The following DCAF4L1 variants were observed in gnomAD, a reference collection of about 807,000 sequenced individuals.
DCAF4L1 encodes the protein DDB1 and CUL4 associated factor 4 like 1.
Under a neutral mutation model 28.2 loss-of-function variants are expected in DCAF4L1, and 4 were observed. The observed-to-expected ratio is 0.14, with a 90% CI of 0.07 to 0.33. The LOEUF is 0.33. Among genes scored for constraint, DCAF4L1 ranks in the 10% least tolerant of loss-of-function variants. DCAF4L1 has a pLI of 1.00. For synonymous variants in DCAF4L1, 252 were observed against 212.1 expected, an observed-to-expected ratio of 1.19 and a Z score of -1.63; for missense variants, 331 against 506.1, an observed-to-expected ratio of 0.65 and a Z score of 3.32.
Position 41,982,429 on chromosome 4 carries a change from G to C in DCAF4L1, c.637G>C (p.Val213Leu). 6.2e-7 allele frequency: 1 copy of C among 1,614,206 alleles called. No homozygotes were observed. The highest frequency in any genetic ancestry group is 1.1e-5 in the South Asian group (1 of 91,078). The part of the protein sequence containing the change: ...GLSQQVLLTS[V>L]ATGHQQSFDT... ...GTCTCAGCAGGTCCTGTTGACCAGC[G>C]TGGCGACGGGACACCAGCAGTCATT... Residue 213 changes from valine (V) to leucine (L), a missense_variant, in exon 1 of 1, where the codon GTG (valine) becomes CTG (leucine). Coordinates refer to ENST00000333141, the MANE Select transcript of DCAF4L1 (RefSeq NM_001029955.4). This position sits in a 1 kb window ranked among gnomAD's most constrained non-coding sequence, Gnocchi z 4.4.
chr4:41,982,288 A>C lies in DCAF4L1; in HGVS notation c.496A>C (p.Ser166Arg), dbSNP rs746484895. 9 of 1,614,212 alleles carry C rather than the reference A, an allele frequency of 5.6e-6. No homozygotes were observed. The highest frequency in any genetic ancestry group is 7.6e-6 in the Non-Finnish European group (9 of 1,180,040). The change falls in exon 1 of 1, where the codon AGT (serine) becomes CGT (arginine). Residue 166 changes from serine (S) to arginine (R), a missense_variant. Physicochemically the swap from Ser to Arg is moderately radical, Grantham distance 110. Coordinates refer to ENST00000333141, the MANE Select transcript of DCAF4L1 (RefSeq NM_001029955.4). This position sits in a 1 kb window ranked among gnomAD's most constrained non-coding sequence, Gnocchi z 4.4. ...GCTGCTCCCAGCGTCGCGGTTCTTA[A>C]GTGTTCACACAAGAGTTAACCAGCC... ...AVLLPASRFL[S>R]VHTRVNQPGM...
Position 41,983,117 on chromosome 4 carries a change from G to A in DCAF4L1, c.*134G>A, listed in dbSNP as rs551055275. 20 of 758,360 alleles carry A rather than the reference G, an allele frequency of 2.6e-5. No homozygotes were observed. The East Asian group carries it at 4.6e-4, about 18-fold the overall frequency. 47.0% of individuals were successfully genotyped at this position (758,360 alleles called of 1,614,324 possible). ...CATCCATCCGGCTGCCAGGGGTAAG[G>A]TGTTAAGAGTTTTATGTGGAGACGT... On this transcript the variant is annotated 3_prime_UTR_variant, in exon 1 of 1. Transcript: ENST00000333141.
In DCAF4L1 at chr4:41,983,808, A is replaced by T. The variant is rs1714068969; in HGVS notation, c.*825A>T. The T allele has an allele frequency of 6.0e-6, 1 of 167,066 alleles. No homozygotes were observed. The highest frequency in any genetic ancestry group is 1.9e-4 in the East Asian group (1 of 5,198). 10.3% of individuals were successfully genotyped at this position (167,066 alleles called of 1,614,324 possible). Reference sequence around the variant, plus strand: ...TTTTTCTACTAAGCAAGGAAGAAAAAAAACGTGTAATAAGGTTAGTTGCTA... The same window carrying T: ...TTTTTCTACTAAGCAAGGAAGAAAATAAACGTGTAATAAGGTTAGTTGCTA... On this transcript the variant is annotated 3_prime_UTR_variant, in exon 1 of 1. Transcript: ENST00000333141.
At position 41,984,840 on chromosome 4, in the gene DCAF4L1, ATGGT is replaced by A. The variant is rs773088170; in HGVS notation, c.*1859_*1862del. ...AGATCAATAGAGAAGATATGGGAGTATGGTTAGGCACAGATTTTTGGAATCCTTT... is the reference window on the plus strand; with the variant it reads ...AGATCAATAGAGAAGATATGGGAGTATAGGCACAGATTTTTGGAATCCTTT... On this transcript the variant is annotated 3_prime_UTR_variant, in exon 1 of 1. Coordinates refer to ENST00000333141, the MANE Select transcript of DCAF4L1 (RefSeq NM_001029955.4). The A allele has an allele frequency of 3.6e-5, 6 of 166,856 alleles. No homozygotes were observed. The highest frequency in any genetic ancestry group is 5.9e-5 in the Non-Finnish European group (4 of 68,080). The allele number at this position is 166,856 out of a possible 1,614,324, so 10.3% of individuals were successfully genotyped here.
At position 41,985,781 on chromosome 4, in the gene DCAF4L1, A is replaced by G. The variant is rs974938713; in HGVS notation, c.*2798A>G. 2 of 167,142 alleles carry G rather than the reference A, an allele frequency of 1.2e-5. No individual in the cohort carries two copies. Among genetic ancestry groups the G allele is most frequent in the African/African-American group, 4.8e-5 (2 of 41,480 alleles). 10.4% of individuals were successfully genotyped at this position (167,142 alleles called of 1,614,324 possible). On this transcript the variant is annotated 3_prime_UTR_variant, in exon 1 of 1. Coordinates refer to ENST00000333141, the MANE Select transcript of DCAF4L1 (RefSeq NM_001029955.4). ...TTGAAATAAAGATGCCAAACACAAA[A>G]GAGCACATATTGTACAACTAATGCA...
rs910830226 is a variant in DCAF4L1 at position 41,985,901 on chromosome 4, T to C, written c.*2918T>C. Reference sequence around the variant, plus strand: ...CAGAAGAGTAGTGACCAGAAGAAGATTCTAGGAAGCTAGCAATGCTGGTGT... The same window carrying C: ...CAGAAGAGTAGTGACCAGAAGAAGACTCTAGGAAGCTAGCAATGCTGGTGT... On this transcript the variant is annotated 3_prime_UTR_variant, in exon 1 of 1. Transcript: ENST00000333141. 1 of 167,104 alleles carries C rather than the reference T, an allele frequency of 6.0e-6. No individual in the cohort carries two copies. The highest frequency in any genetic ancestry group is 1.5e-5 in the Non-Finnish European group (1 of 68,126). The allele number at this position is 167,104 out of a possible 1,614,324, so 10.4% of individuals were successfully genotyped here.
chr4:41,985,941 A>G lies in DCAF4L1; in HGVS notation c.*2958A>G, dbSNP rs943349858. On this transcript the variant is annotated 3_prime_UTR_variant, in exon 1 of 1. Coordinates refer to ENST00000333141, the MANE Select transcript of DCAF4L1 (RefSeq NM_001029955.4). Reference sequence around the variant, plus strand: ...AATGCTGGTGTCATGCCAGACCCCTAGTGACTCCAATAGTAATGGCACTGT... The same window carrying G: ...AATGCTGGTGTCATGCCAGACCCCTGGTGACTCCAATAGTAATGGCACTGT... 1.8e-5 allele frequency: 3 copies of G among 167,140 alleles called. No individual in the cohort carries two copies. Among genetic ancestry groups the G allele is most frequent in the African/African-American group, 7.2e-5 (3 of 41,462 alleles). The allele number at this position is 167,140 out of a possible 1,614,324, so 10.4% of individuals were successfully genotyped here. A position where few individuals can be genotyped will look rare whatever the true frequency, so the allele number is the denominator to read the frequency against.
Position 41,981,842 on chromosome 4 carries a change from AG to A in DCAF4L1, c.52del (p.Val18Ter). The A allele has an allele frequency of 6.2e-7, 1 of 1,614,192 alleles. No individual in the cohort carries two copies. The highest frequency in any genetic ancestry group is 1.3e-5 in the African/African-American group (1 of 75,056). ...RLLEEEAKLK[K>X]VARMGFNASS... ...CTCGAGGAAGAGGCCAAGCTGAAAA[AG>A]GTAGCCAGAATGGGATTTAATGCAT... On this transcript the variant is annotated frameshift_variant, in exon 1 of 1. Coordinates refer to ENST00000333141, the MANE Select transcript of DCAF4L1 (RefSeq NM_001029955.4). LOFTEE classifies it high-confidence loss of function.
In DCAF4L1 at chr4:41,982,997, AGC is replaced by A. The variant is rs1327767284; in HGVS notation, c.*18_*19del. The A allele has an allele frequency of 4.4e-6, 7 of 1,580,008 alleles. No homozygotes were observed. The highest frequency in any genetic ancestry group is 1.7e-4 in the Middle Eastern group (1 of 5,896). On this transcript the variant is annotated 3_prime_UTR_variant, in exon 1 of 1. Coordinates refer to ENST00000333141, the MANE Select transcript of DCAF4L1 (RefSeq NM_001029955.4). This position sits in a 1 kb window ranked among gnomAD's most constrained non-coding sequence, Gnocchi z 4.4. ...CCCTTCAGCTAATTCTGCAGGTGGC[AGC>A]GCGGCCGAATGTGGATTTGACTTAA...
chr4:41,984,795 C>T lies in DCAF4L1; in HGVS notation c.*1812C>T, dbSNP rs1226284293. 1.2e-5 allele frequency: 2 copies of T among 166,946 alleles called. No individual in the cohort carries two copies. The highest frequency in any genetic ancestry group is 1.3e-4 in the Admixed American group (2 of 15,276). 10.3% of individuals were successfully genotyped at this position (166,946 alleles called of 1,614,324 possible). On this transcript the variant is annotated 3_prime_UTR_variant, in exon 1 of 1. Transcript: ENST00000333141. The stretch of plus-strand genomic sequence containing the variant: ...GACATAGATGAGGTTAATGTAATTA[C>T]ATATTGATAGAAGATGAGTAGATCA...
Position 41,983,161 on chromosome 4 carries a change from G to C in DCAF4L1, c.*178G>C, listed in dbSNP as rs1714045633. On this transcript the variant is annotated 3_prime_UTR_variant, in exon 1 of 1. Coordinates refer to ENST00000333141, the MANE Select transcript of DCAF4L1 (RefSeq NM_001029955.4). ...GAGACGTTCTTGTAAAGTTATTTCA[G>C]TTAAACTGTGGACTTAACTTGAAAG... 6 of 606,174 alleles carry C rather than the reference G, an allele frequency of 9.9e-6. No individual in the cohort carries two copies. The East Asian group carries it at 1.7e-4, about 18-fold the overall frequency. The allele number at this position is 606,174 out of a possible 1,614,324, so 37.5% of individuals were successfully genotyped here. A position where few individuals can be genotyped will look rare whatever the true frequency, so the allele number is the denominator to read the frequency against.
Position 41,982,433 on chromosome 4 carries a change from C to T in DCAF4L1, c.641C>T (p.Ala214Val), listed in dbSNP as rs369697482. The T allele has an allele frequency of 1.2e-6, 2 of 1,614,188 alleles. No individual in the cohort carries two copies. Among genetic ancestry groups the T allele is most frequent in the Non-Finnish European group, 1.7e-6 (2 of 1,180,040 alleles). ...LSQQVLLTSV[A>V]TGHQQSFDTS... ...CAGCAGGTCCTGTTGACCAGCGTGG[C>T]GACGGGACACCAGCAGTCATTTGAT... Residue 214 changes from alanine (A) to valine (V), a missense_variant, in exon 1 of 1, where the codon GCG (alanine) becomes GTG (valine). Transcript: ENST00000333141. The surrounding 1 kb of genome is among the most constrained non-coding windows in gnomAD (Gnocchi z 4.4).
rs1402904482 is a variant in DCAF4L1 at position 41,984,727 on chromosome 4, C to T, written c.*1744C>T. ...GCTGGTAATACAAATTTGGTGACTTCAATACATAGAATTAAAATAGATGGG... is the reference window on the plus strand; with the variant it reads ...GCTGGTAATACAAATTTGGTGACTTTAATACATAGAATTAAAATAGATGGG... On this transcript the variant is annotated 3_prime_UTR_variant, in exon 1 of 1. Transcript: ENST00000333141. The T allele has an allele frequency of 7.8e-5, 13 of 166,780 alleles. No individual in the cohort carries two copies. The Admixed American group carries it at 8.5e-4, about 11-fold the overall frequency. 10.3% of individuals were successfully genotyped at this position (166,780 alleles called of 1,614,324 possible). A position where few individuals can be genotyped will look rare whatever the true frequency, so the allele number is the denominator to read the frequency against.
chr4:41,984,688 G>A lies in DCAF4L1; in HGVS notation c.*1705G>A, dbSNP rs531895663. ...GAGATACAAAGTATTCTGCAGATCA[G>A]GGGTCATGTCATGGCTGGTAATACA... is the stretch of plus-strand genomic sequence containing the variant. On this transcript the variant is annotated 3_prime_UTR_variant, in exon 1 of 1. Coordinates refer to ENST00000333141, the MANE Select transcript of DCAF4L1 (RefSeq NM_001029955.4). 1 of 167,134 alleles carries A rather than the reference G, an allele frequency of 6.0e-6. No individual in the cohort carries two copies. Among genetic ancestry groups the A allele is most frequent in the Admixed American group, 6.5e-5 (1 of 15,298 alleles). The allele number at this position is 167,134 out of a possible 1,614,324, so 10.4% of individuals were successfully genotyped here.
At position 41,982,750 on chromosome 4, in the gene DCAF4L1, C is replaced by T. The variant is rs753362601; in HGVS notation, c.958C>T (p.Leu320=). The T allele has an allele frequency of 3.7e-6, 6 of 1,614,134 alleles. No homozygotes were observed. Among genetic ancestry groups the T allele is most frequent in the African/African-American group, 1.3e-5 (1 of 74,944 alleles). ...CGTGAATGAGTCCGCCTATCTGCCCCTGCATGTGCACGAGGAAGAGGGAAT... is the reference window on the plus strand; with the variant it reads ...CGTGAATGAGTCCGCCTATCTGCCCTTGCATGTGCACGAGGAAGAGGGAAT... The part of the protein sequence containing the change: ...GHVNESAYLP[L]HVHEEEGIVV... The change falls in exon 1 of 1, where the codon CTG becomes TTG. Residue 320 remains leucine, a synonymous_variant. Transcript: ENST00000333141. This position sits in a 1 kb window ranked among gnomAD's most constrained non-coding sequence, Gnocchi z 4.4.
In DCAF4L1 at chr4:41,982,379, C is replaced by T. The variant is rs900070414; in HGVS notation, c.587C>T (p.Ala196Val). 10 of 1,614,242 alleles carry T rather than the reference C, an allele frequency of 6.2e-6. No individual in the cohort carries two copies. Among genetic ancestry groups the T allele is most frequent in the Non-Finnish European group, 8.5e-6 (10 of 1,180,042 alleles). The stretch of plus-strand genomic sequence containing the variant: ...TGTGCGTGGTCCCTCAACACCCGGG[C>T]ATATCACTGCTTTAGTGCAGGCTTG... ...WSCAWSLNTR[A>V]YHCFSAGLSQ... Residue 196 changes from alanine to valine, a missense_variant, in exon 1 of 1, where the codon GCA (alanine) becomes GTA (valine). Physicochemically the swap from Ala to Val is moderately conservative, Grantham distance 64. Coordinates refer to ENST00000333141, the MANE Select transcript of DCAF4L1 (RefSeq NM_001029955.4). This position sits in a 1 kb window ranked among gnomAD's most constrained non-coding sequence, Gnocchi z 4.4.
At position 41,983,253 on chromosome 4, in the gene DCAF4L1, C is replaced by A. The variant is rs1470576950; in HGVS notation, c.*270C>A. 5 of 253,894 alleles carry A rather than the reference C, an allele frequency of 2.0e-5. No individual in the cohort carries two copies. Among genetic ancestry groups the A allele is most frequent in the Non-Finnish European group, 3.0e-5 (4 of 132,816 alleles). The allele number at this position is 253,894 out of a possible 1,614,324, so 15.7% of individuals were successfully genotyped here. ...TTAGAACAGTTAACCACCTCCCCAA[C>A]CCTTTTTTTTTTTAAATAATTAAGA... On this transcript the variant is annotated 3_prime_UTR_variant, in exon 1 of 1. Transcript: ENST00000333141.
In DCAF4L1 at chr4:41,981,850, A is replaced by C. The variant is rs755436194; in HGVS notation, c.58A>C (p.Arg20=). Residue 20 remains arginine (R), a synonymous_variant, in exon 1 of 1, where the codon AGA becomes CGA. Transcript: ENST00000333141. The part of the protein sequence containing the change: ...EEEAKLKKVA[R]MGFNASSMLR... ...AGAGGCCAAGCTGAAAAAGGTAGCC[A>C]GAATGGGATTTAATGCATCTTCCAT... The C allele has an allele frequency of 8.7e-6, 14 of 1,614,252 alleles. No individual in the cohort carries two copies. The highest frequency in any genetic ancestry group is 1.2e-5 in the Non-Finnish European group (14 of 1,180,048).
Position 41,982,951 on chromosome 4 carries a change from C to T in DCAF4L1, c.1159C>T (p.Arg387Trp), listed in dbSNP as rs199598081. The change falls in exon 1 of 1, where the codon CGG (arginine) becomes TGG (tryptophan). Residue 387 changes from arginine to tryptophan, a missense_variant. Physicochemically the swap from Arg to Trp is moderately radical, Grantham distance 101. Coordinates refer to ENST00000333141, the MANE Select transcript of DCAF4L1 (RefSeq NM_001029955.4). The surrounding 1 kb of genome is among the most constrained non-coding windows in gnomAD (Gnocchi z 4.4). ...GAAPGLLMAV[R>W]QDLYCFPFS is the part of the protein sequence containing the mutation. ...AGCACCAGGGCTGCTCATGGCTGTC[C>T]GGCAGGACCTTTATTGTTTCCCCTT... 159 of 1,612,314 alleles carry T rather than the reference C, an allele frequency of 9.9e-5. No homozygotes were observed. The highest frequency in any genetic ancestry group is 1.3e-4 in the Non-Finnish European group (148 of 1,179,214).
Sources: gnomAD v4.1 joint callset for allele counts on GRCh38, gnomAD v4.1.1 for gene constraint, Gnocchi (gnomAD v3.1) non-coding constraint, MANE v1.5 for transcripts, NCBI Gene and HGNC (gene_info 2026-07-23, HGNC 2026-07-21) for gene names.